Variants in PCDHA4 observed in about 807,000 individuals in gnomAD.
The protein encoded by PCDHA4 is protocadherin alpha 4.
In PCDHA4, 49 loss-of-function variants were observed where a neutral mutation model predicts 61.4. The observed-to-expected ratio is 0.80, with a 90% CI of 0.63 to 1.01. PCDHA4 has a LOEUF of 1.01. Ranked by LOEUF, PCDHA4 falls within the 50% of genes least tolerant of loss-of-function variation. PCDHA4 has a pLI of 0.00. For missense variants in PCDHA4, 1,254 were observed against 1,235.8 expected (o/e 1.01, Z -0.22); for synonymous variants, 590 against 550.3 (o/e 1.07, Z -1.01).
At chr5:140,876,082 C>A in intron 1 of PCDHA4, 1 of 1,613,932 alleles carries the variant, frequency 6.2e-7, no homozygotes, top group Non-Finnish European at 8.5e-7. Context: ...GGACAGAGAG[C>A]AAACGCCAAA....
intron 1 of PCDHA4, 75 bp downstream of exon 1, chr5:140,809,647 A>C: frequency 6.7e-7 from 1 of 1,500,206 alleles, no homozygotes; most frequent in Non-Finnish European, 8.9e-7. Context: ...TTTATTTCTA[A>C]GAGTCAAATT....
intron 1 of PCDHA4, chr5:140,876,833 C>A: frequency 1.2e-6 from 2 of 1,614,176 alleles, no homozygotes; most frequent in Admixed American, 1.7e-5. Flanking sequence ...AATGCGCCTG[C>A]GTTCGCGCAG....
intron 1 of PCDHA4, among the ~76,000 whole-genome samples, chr5:140,917,013 A>G (rs565656440): frequency 2.6e-4 from 39 of 152,080 alleles, no homozygotes; most frequent in Non-Finnish European, 4.6e-4. Context: ...ATCTCCCTTC[A>G]TGTGCAGCTG....
rs142074942 is a variant in PCDHA4, at chr5:140,842,421, C to T, written c.2385+32849C>T. Reference sequence around the variant, plus strand: ...GTACGTGAAGACGCTCAATTTGGTACTGTCATCGCCCTAATTAGCGTGAAC... The same window carrying T: ...GTACGTGAAGACGCTCAATTTGGTATTGTCATCGCCCTAATTAGCGTGAAC... On this transcript the variant is annotated intron_variant, in intron 1 of 3. Coordinates refer to ENST00000530339, the MANE Select transcript of PCDHA4 (RefSeq NM_018907.4). The T allele has an allele frequency of 2.6e-4, 427 of 1,613,464 alleles. 6 individuals carry two copies. In the African/African-American group the frequency reaches 2.7e-3, roughly 10 times the overall value.
chr5:140,850,931 T>C, intron 1 of PCDHA4: 1 of 1,516,410 alleles, frequency 6.6e-7, no homozygotes, highest in Non-Finnish European at 8.9e-7. Flanking sequence ...TAATTTTTTT[T>C]CTTGAAAGAT....
At chr5:140,821,837 C>T (rs1554128249) in intron 1 of PCDHA4, 3 of 1,614,154 alleles carry the variant, frequency 1.9e-6, no homozygotes, top group Non-Finnish European at 2.5e-6. Flanking sequence ...CTTCTCCTTG[C>T]CTACTGGAAG....
intron 1 of PCDHA4, among the ~76,000 whole-genome samples, chr5:140,846,541 AT>A (rs1226302144): frequency 6.8e-6 from 1 of 147,482 alleles, no homozygotes; most frequent in Non-Finnish European, 1.5e-5. Context: ...TGCCCTGCTA[AT>A]TTTTTGTATT....
intron 1 of PCDHA4, among the ~76,000 whole-genome samples, chr5:140,947,509 T>C (rs1358803536): frequency 2.6e-5 from 4 of 151,722 alleles, no homozygotes; most frequent in Non-Finnish European, 4.4e-5. Flanking sequence ...AATTTTCATA[T>C]AAATTTTAGA....
In PCDHA4 at chr5:140,841,333, C is replaced by G; in HGVS notation, c.2385+31761C>G. The G allele has an allele frequency of 1.9e-6, 3 of 1,605,502 alleles. 1 individual carries two copies. Among genetic ancestry groups the G allele is most frequent in the Non-Finnish European group, 2.6e-6 (3 of 1,175,392 alleles). ...AACGACTATTTAACATGGATTATCA[C>G]TGGCGAGGAGAGCTGGGATCCTGGC... is the stretch of plus-strand genomic sequence containing the variant. On this transcript the variant is annotated intron_variant, in intron 1 of 3. Transcript: ENST00000530339.
chr5:140,829,569 C>G (rs2150170274), intron 1 of PCDHA4: 1 of 1,612,602 alleles, frequency 6.2e-7, no homozygotes, highest in East Asian at 2.2e-5. Context: ...GTGTCCTACT[C>G]GCTGGTGGAG....
intron 1 of PCDHA4, chr5:140,861,593 A>G: frequency 2.7e-6 from 1 of 371,316 alleles, no homozygotes; most frequent in South Asian, 2.5e-5. Context: ...TGGAGGTGAA[A>G]GTGAAGAACA....
chr5:140,999,568 G>A (rs1554256885), intron 3 of PCDHA4, among the ~76,000 whole-genome samples: 1 of 152,084 alleles, frequency 6.6e-6, no homozygotes, highest in Non-Finnish European at 1.5e-5. Context: ...TTTGAGAAGA[G>A]ACTATAAAGG....
rs782074950 is a variant in PCDHA4, at chr5:140,851,878, A to G, written c.2385+42306A>G. On this transcript the variant is annotated intron_variant, in intron 1 of 3. Transcript: ENST00000530339. ...AGCTCATACATAACACAAGGCAGAA[A>G]TCTGGATATGAGATTTGCCTCTTTA... is the stretch of plus-strand genomic sequence containing the variant. 6.1e-6 allele frequency: 6 copies of G among 977,806 alleles called. 1 individual carries two copies. The highest frequency in any genetic ancestry group is 7.4e-6 in the Non-Finnish European group (6 of 810,298). The allele number at this position is 977,806 out of a possible 1,614,324, so 60.6% of individuals were successfully genotyped here.
intron 1 of PCDHA4, among the ~76,000 whole-genome samples, chr5:140,840,315 T>C (rs2150305652): frequency 5.9e-5 from 9 of 152,012 alleles, no homozygotes; most frequent in Non-Finnish European, 1.2e-4. Context: ...TTAACTTTGG[T>C]CGACTCATTT....
chr5:140,849,601 T>G lies in PCDHA4; in HGVS notation c.2385+40029T>G, dbSNP rs2150442110. ...GAGGACGCACAACTGGGGACAGTTA[T>G]TGCCCTGATTAGTGTGATCGACCTA... is the stretch of plus-strand genomic sequence containing the variant. On this transcript the variant is annotated intron_variant, in intron 1 of 3. Transcript: ENST00000530339. The G allele has an allele frequency of 3.9e-5, 63 of 1,598,652 alleles. 7 individuals carry two copies. The highest frequency in any genetic ancestry group is 2.7e-4 in the South Asian group (24 of 90,564).
chr5:140,965,275 C>T (rs1280046381), intron 1 of PCDHA4, among the ~76,000 whole-genome samples: 7 of 152,158 alleles, frequency 4.6e-5, no homozygotes, highest in Non-Finnish European at 1.0e-4. Context: ...GGCAATGACA[C>T]AGCATGGAAA....
In PCDHA4 at chr5:140,822,757, C is replaced by G. The variant is rs2150119240; in HGVS notation, c.2385+13185C>G. On this transcript the variant is annotated intron_variant, in intron 1 of 3. Transcript: ENST00000530339. Reference sequence around the variant, plus strand: ...TGATGCCATGGATAAAAGTACATTCCCATTATCAGGACACTGTAAAGTAGT... The same window carrying G: ...TGATGCCATGGATAAAAGTACATTCGCATTATCAGGACACTGTAAAGTAGT... The G allele has an allele frequency of 5.7e-5, 92 of 1,613,752 alleles. No homozygotes were observed. The highest frequency in any genetic ancestry group is 8.0e-5 in the African/African-American group (6 of 74,906).
Position 140,809,416 on chromosome 5 carries a change from T to C in PCDHA4, c.2229T>C (p.Ser743=), listed in dbSNP as rs1764458100. The C allele has an allele frequency of 1.9e-6, 3 of 1,614,080 alleles. No individual in the cohort carries two copies. Among genetic ancestry groups the C allele is most frequent in the African/African-American group, 2.7e-5 (2 of 75,024 alleles). Residue 743 remains serine, a synonymous_variant, in exon 1 of 4, where the codon AGT becomes AGC. Coordinates refer to ENST00000530339, the MANE Select transcript of PCDHA4 (RefSeq NM_018907.4). ...GCAAGCCCACGCTGGTGTGCTCCAG[T>C]GCGGTGGGGAGCTGGTCATACTCGC... The part of the protein sequence containing the change: ...APGKPTLVCS[S]AVGSWSYSQQ...
chr5:140,955,440 G>A (rs1332391978), intron 1 of PCDHA4, among the ~76,000 whole-genome samples: 3 of 152,022 alleles, frequency 2.0e-5, no homozygotes, highest in Admixed American at 2.0e-4. Context: ...TAGGTCTGAT[G>A]GTTTTATAAG....
Sources: gnomAD v4.1 joint callset for allele counts (sites outside exome capture counted in the v4.1 genomes callset) on GRCh38, gnomAD v4.1.1 for gene constraint, MANE v1.5 for transcripts, NCBI Gene and HGNC (gene_info 2026-07-23, HGNC 2026-07-21) for gene names.